GALNT15: variants seen among roughly 807,000 people sequenced by gnomAD.
GALNT15 encodes polypeptide N-acetylgalactosaminyltransferase 15.
Under a neutral mutation model 66.8 loss-of-function variants are expected in GALNT15, and 67 were observed. That is an observed-to-expected ratio of 1.00 (90% CI 0.82 to 1.23). GALNT15 has a LOEUF of 1.23. GALNT15 is among the 50% of genes most tolerant of loss of function. The probability of loss-of-function intolerance (pLI) is 0.00; values close to 1 mark genes in which losing one functional copy is unlikely to be tolerated. For missense variants in GALNT15, 827 were observed against 804.3 expected (o/e 1.03, Z -0.34); for synonymous variants, 313 against 311.5 (o/e 1.00, Z -0.05).
At chr3:16,215,916 A>AAAAAAAAAAAAAAAAAAAAAAAAAAAC (rs2063869013) in intron 6 of GALNT15, among the ~76,000 whole-genome samples, 1 of 143,454 alleles carries the variant, frequency 7.0e-6, no homozygotes, top group Non-Finnish European at 1.5e-5. Flanking sequence ...CAAAAAAAAA[A>AAAAAAAAAAAAAAAAAAAAAAAAAAAC]AAAAAAAAAG....
intron 6 of GALNT15, among the ~76,000 whole-genome samples, chr3:16,218,810 C>CT (rs10538222): frequency 0.16 from 14,956 of 92,948 alleles, 1,883 homozygotes; most frequent in Non-Finnish European, 0.19. Context: ...CTCTCTCTCT[C>CT]TTTTTTTTTT....
rs1386358812 is a variant in GALNT15 at position 16,184,757 on chromosome 3, T to C, written c.539+9067T>C. 1.3e-5 allele frequency among the ~76,000 whole-genome samples: 2 copies of C among 152,154 alleles called. No individual in the cohort carries two copies. The highest frequency in any genetic ancestry group is 2.9e-5 in the Non-Finnish European group (2 of 68,038). ...GGAGCAGAGATGCCTGAGAGAGGCATGTGTTCAAGGCAGCTACCTCTGTGG... is the reference window on the plus strand; with the variant it reads ...GGAGCAGAGATGCCTGAGAGAGGCACGTGTTCAAGGCAGCTACCTCTGTGG... On this transcript the variant is annotated intron_variant, in intron 1 of 9. Coordinates refer to ENST00000339732, the MANE Select transcript of GALNT15 (RefSeq NM_054110.5). The surrounding 1 kb of genome is among the most constrained non-coding windows in gnomAD (Gnocchi z 5.0).
Position 16,181,243 on chromosome 3 carries a change from A to G in GALNT15, c.539+5553A>G, listed in dbSNP as rs986656731. Reference sequence around the variant, plus strand: ...AATTATCTGGAAAGTCTTAAAAACTATTCATACTCATGCTCCACTTCCAAG... The same window carrying G: ...AATTATCTGGAAAGTCTTAAAAACTGTTCATACTCATGCTCCACTTCCAAG... On this transcript the variant is annotated intron_variant, in intron 1 of 9. Coordinates refer to ENST00000339732, the MANE Select transcript of GALNT15 (RefSeq NM_054110.5). This position sits in a 1 kb window ranked among gnomAD's most constrained non-coding sequence, Gnocchi z 5.9. 6.6e-6 allele frequency among the ~76,000 whole-genome samples: 1 copy of G among 152,166 alleles called. No individual in the cohort carries two copies. Among genetic ancestry groups the G allele is most frequent in the Non-Finnish European group, 1.5e-5 (1 of 68,018 alleles).
the GALNT15 span, among the ~76,000 whole-genome samples, chr3:16,242,484 G>T: frequency 2.0e-5 from 3 of 152,126 alleles, no homozygotes; most frequent in African/African-American, 2.4e-5. The surrounding 1 kb of genome is among the most constrained non-coding windows in gnomAD (Gnocchi z 5.6). Flanking sequence ...GGGGCTGAGC[G>T]TGGTGGCTCA....
chr3:16,212,550 T>C lies in GALNT15; in HGVS notation c.1198-19T>C. 6.2e-7 allele frequency: 1 copy of C among 1,607,480 alleles called. No individual in the cohort carries two copies. Among genetic ancestry groups the C allele is most frequent in the East Asian group, 2.2e-5 (1 of 44,764 alleles). ...TAAAGGTGGAATGCTGAGGTGTTTA[T>C]CTTTTCCCTTCGTGGCAGGCCTGGC... On this transcript the variant is annotated intron_variant, in intron 5 of 9. Coordinates refer to ENST00000339732, the MANE Select transcript of GALNT15 (RefSeq NM_054110.5).
At chr3:16,238,782 T>G in the GALNT15 span, among the ~76,000 whole-genome samples, 1 of 152,178 alleles carries the variant, frequency 6.6e-6, no homozygotes, top group Admixed American at 6.5e-5. This position sits in a 1 kb window ranked among gnomAD's most constrained non-coding sequence, Gnocchi z 4.8. Context: ...TGGGAATGGG[T>G]AAAAATAAGG....
In GALNT15 at chr3:16,183,914, G is replaced by A. The variant is rs2063493381; in HGVS notation, c.539+8224G>A. Among the ~76,000 whole-genome samples, 1 of 152,210 alleles carries A rather than the reference G, an allele frequency of 6.6e-6. No individual in the cohort carries two copies. Among genetic ancestry groups the A allele is most frequent in the Admixed American group, 6.5e-5 (1 of 15,280 alleles). The stretch of plus-strand genomic sequence containing the variant: ...GGGATCCTGGAGCTGCAGGAAAAGA[G>A]GGTGTGCATCTGTATGTAAACACAA... On this transcript the variant is annotated intron_variant, in intron 1 of 9. Coordinates refer to ENST00000339732, the MANE Select transcript of GALNT15 (RefSeq NM_054110.5). This position sits in a 1 kb window ranked among gnomAD's most constrained non-coding sequence, Gnocchi z 5.2.
the GALNT15 span, among the ~76,000 whole-genome samples, chr3:16,239,826 T>C: frequency 4.6e-5 from 7 of 152,362 alleles, no homozygotes; most frequent in African/African-American, 1.7e-4. This position sits in a 1 kb window ranked among gnomAD's most constrained non-coding sequence, Gnocchi z 5.2. Context: ...GGATATATGA[T>C]GATTTTCTTC....
chr3:16,189,108 A>G lies in GALNT15; in HGVS notation c.540-6652A>G, dbSNP rs1050532505. ...ACAACAACAAAAAAAGGAAGCCACC[A>G]AAGCCACTGGATGAGCAAGAAGATT... is the stretch of plus-strand genomic sequence containing the variant. On this transcript the variant is annotated intron_variant, in intron 1 of 9. Transcript: ENST00000339732. The surrounding 1 kb of genome is among the most constrained non-coding windows in gnomAD (Gnocchi z 5.1). Among the ~76,000 whole-genome samples, 1 of 152,186 alleles carries G rather than the reference A, an allele frequency of 6.6e-6. No homozygotes were observed. The highest frequency in any genetic ancestry group is 1.9e-4 in the East Asian group (1 of 5,196).
chr3:16,246,340 T>G, the GALNT15 span, among the ~76,000 whole-genome samples: 1 of 148,068 alleles, frequency 6.8e-6, no homozygotes, highest in Admixed American at 6.7e-5. Context: ...TTTTTTTTTT[T>G]TTTTGAGATG....
chr3:16,179,440 C>A (rs1436417903), intron 1 of GALNT15, among the ~76,000 whole-genome samples: 1 of 152,158 alleles, frequency 6.6e-6, no homozygotes, highest in African/African-American at 2.4e-5. Flanking sequence ...GGAGAACTCA[C>A]ACGGGTCCAT....
At chr3:16,177,240 A>G (rs2063419771) in intron 1 of GALNT15, among the ~76,000 whole-genome samples, 1 of 152,180 alleles carries the variant, frequency 6.6e-6, no homozygotes, top group African/African-American at 2.4e-5. Context: ...AAATTTTTTG[A>G]CACTATTTTT....
intron 3 of GALNT15, among the ~76,000 whole-genome samples, chr3:16,207,447 G>A (rs1416664225): frequency 8.0e-6 from 1 of 124,716 alleles, no homozygotes; most frequent in African/African-American, 3.0e-5. Context: ...TAGTTAAAAA[G>A]TATATGACCC....
downstream of GALNT15, among the ~76,000 whole-genome samples, chr3:16,234,020 A>C (rs1266232629): frequency 6.6e-6 from 1 of 152,224 alleles, no homozygotes; most frequent in Admixed American, 6.5e-5. Context: ...GACTCCCTGG[A>C]GATGGGCCAG....
chr3:16,202,086 A>G (rs1208474650), intron 3 of GALNT15, among the ~76,000 whole-genome samples: 1 of 152,248 alleles, frequency 6.6e-6, no homozygotes. Context: ...CCTGGACCAG[A>G]TCGGAATGAA....
In GALNT15 at chr3:16,229,589, AT is replaced by A; in HGVS notation, c.*2091del. On this transcript the variant is annotated 3_prime_UTR_variant, in exon 10 of 10. Coordinates refer to ENST00000339732, the MANE Select transcript of GALNT15 (RefSeq NM_054110.5). ...TCCTGAGACTGAGACGGAGCTACAA[AT>A]TCTCAGATGGCGACCGTGTAAATGG... The A allele has an allele frequency of 1.0e-6, 1 of 985,448 alleles. No individual in the cohort carries two copies. The highest frequency in any genetic ancestry group is 4.7e-5 in the South Asian group (1 of 21,292). 61.0% of individuals were successfully genotyped at this position (985,448 alleles called of 1,614,324 possible).
At chr3:16,198,934 G>T (rs552355596) in intron 2 of GALNT15, among the ~76,000 whole-genome samples, 1 of 142,518 alleles carries the variant, frequency 7.0e-6, no homozygotes, top group East Asian at 2.1e-4. Context: ...CCACCTCTGG[G>T]CTGGGGAACT....
At chr3:16,232,510 ATTT>A (rs1559698445), downstream of GALNT15, among the ~76,000 whole-genome samples, 16 of 70,542 alleles carry the variant, frequency 2.3e-4, no homozygotes, top group African/African-American at 8.3e-4. Context: ...ATATATATAT[ATTT>A]ATTTAAAAGA....
rs1017334783 is a variant in GALNT15, at chr3:16,225,461, C to T, written c.1774-1893C>T. 3.3e-5 allele frequency among the ~76,000 whole-genome samples: 5 copies of T among 152,238 alleles called. No homozygotes were observed. Among genetic ancestry groups the T allele is most frequent in the Non-Finnish European group, 5.9e-5 (4 of 68,050 alleles). On this transcript the variant is annotated intron_variant, in intron 9 of 9. Coordinates refer to ENST00000339732, the MANE Select transcript of GALNT15 (RefSeq NM_054110.5). The surrounding 1 kb of genome is among the most constrained non-coding windows in gnomAD (Gnocchi z 4.4). ...CCTGTAATCCCAGCACTTCGGGAGGCCGAGGCAGGTGGATCACGAGGTCAG... is the reference window on the plus strand; with the variant it reads ...CCTGTAATCCCAGCACTTCGGGAGGTCGAGGCAGGTGGATCACGAGGTCAG...
Sources: gnomAD v4.1 joint callset for allele counts (sites outside exome capture counted in the v4.1 genomes callset) on GRCh38, gnomAD v4.1.1 for gene constraint, Gnocchi (gnomAD v3.1) non-coding constraint, MANE v1.5 for transcripts, NCBI Gene and HGNC (gene_info 2026-07-23, HGNC 2026-07-21) for gene names.